The following LMBR1 variants were observed in gnomAD, a reference collection of about 807,000 sequenced individuals.
LMBR1 encodes the protein limb development membrane protein 1.
Under a neutral mutation model 73.9 loss-of-function variants are expected in LMBR1, and 52 were observed. The ratio of observed to expected loss-of-function variants is 0.70; its 90% CI spans 0.56 to 0.89. LMBR1 has a LOEUF of 0.89. LMBR1 is among the 40% of genes least tolerant of loss of function. The probability of loss-of-function intolerance (pLI) is 0.00; values close to 1 mark genes in which losing one functional copy is unlikely to be tolerated. For missense variants in LMBR1, 539 were observed against 579.8 expected (o/e 0.93, Z 0.72); for synonymous variants, 215 against 209.4 (o/e 1.03, Z -0.23).
chr7:156,764,408 C>A (rs1563307492), intron 5 of LMBR1, among the ~76,000 whole-genome samples: 1 of 152,110 alleles, frequency 6.6e-6, no homozygotes, highest in Non-Finnish European at 1.5e-5. Flanking sequence ...AATCATTATG[C>A]ACAACTTTGT....
At chr7:156,824,359 C>T (rs1209132169) in intron 4 of LMBR1, among the ~76,000 whole-genome samples, 1 of 152,062 alleles carries the variant, frequency 6.6e-6, no homozygotes, top group East Asian at 1.9e-4. Flanking sequence ...TATACTTTCT[C>T]AAACAACAAG....
At chr7:156,700,790 T>C (rs1195670818) in intron 15 of LMBR1, among the ~76,000 whole-genome samples, 8 of 152,202 alleles carry the variant, frequency 5.3e-5, no homozygotes, top group Admixed American at 3.9e-4. Flanking sequence ...TTTTCAGGTA[T>C]CTTTTCAGCA....
intron 15 of LMBR1, among the ~76,000 whole-genome samples, chr7:156,712,150 CAAT>C (rs1231039004): frequency 6.6e-6 from 1 of 151,968 alleles, no homozygotes; most frequent in Admixed American, 6.6e-5. Context: ...AACTCAACAA[CAAT>C]AACAAAAATG....
chr7:156,678,717 G>C lies in LMBR1; in HGVS notation c.*5361C>G, dbSNP rs926450780. ...CTGGTCAGCTACAGCAGTCCCTACG[G>C]GATGTGGCCATTCCTCCCTTATTTT... On this transcript the variant is annotated 3_prime_UTR_variant, in exon 17 of 17. Coordinates refer to ENST00000353442, the MANE Select transcript of LMBR1 (RefSeq NM_022458.4). The C allele has an allele frequency of 6.6e-6, 1 of 152,132 alleles. No homozygotes were observed. Among genetic ancestry groups the C allele is most frequent in the African/African-American group, 2.4e-5 (1 of 41,414 alleles). 9.4% of individuals were successfully genotyped at this position (152,132 alleles called of 1,614,324 possible). A position where few individuals can be genotyped will look rare whatever the true frequency, so the allele number is the denominator to read the frequency against.
At chr7:156,736,690 T>A (rs1817936716) in intron 9 of LMBR1, 2 of 429,216 alleles carry the variant, frequency 4.7e-6, no homozygotes, top group African/African-American at 4.0e-5. Context: ...ATGGCCATAA[T>A]GCTCATTTTA....
At chr7:156,741,512 T>C (rs1019532226) in intron 9 of LMBR1, among the ~76,000 whole-genome samples, 1 of 152,028 alleles carries the variant, frequency 6.6e-6, no homozygotes, top group Non-Finnish European at 1.5e-5. Flanking sequence ...TATACTTATA[T>C]CAGACAAAAT....
chr7:156,734,125 T>C, intron 10 of LMBR1, 52 bp downstream of exon 10: 1 of 1,182,720 alleles, frequency 8.5e-7, no homozygotes, highest in Admixed American at 2.3e-5. Context: ...AGTAAAGTCT[T>C]TAATAAGAAA....
chr7:156,726,382 T>C (rs559483836), intron 12 of LMBR1, among the ~76,000 whole-genome samples: 17 of 152,024 alleles, frequency 1.1e-4, no homozygotes, highest in Admixed American at 2.6e-4. Flanking sequence ...ACTGTTAACA[T>C]AGATTTTTAA....
intron 5 of LMBR1, among the ~76,000 whole-genome samples, chr7:156,772,887 G>A (rs1461563451): frequency 4.0e-5 from 6 of 151,836 alleles, no homozygotes; most frequent in Admixed American, 1.3e-4. Context: ...GAGGGGAGAG[G>A]AGAGGCATTC....
rs191092573 is a variant in LMBR1 at position 156,842,432 on chromosome 7, G to A, written c.67-5547C>T. On this transcript the variant is annotated intron_variant, in intron 1 of 16. Coordinates refer to ENST00000353442, the MANE Select transcript of LMBR1 (RefSeq NM_022458.4). The stretch of plus-strand genomic sequence containing the variant: ...TTTTTTACTTTTTAAGGAATAACAC[G>A]TTTTAAGACTTGAGATTATCTGTTG... Among the ~76,000 whole-genome samples, 27 of 152,272 alleles carry A rather than the reference G, an allele frequency of 1.8e-4. No individual in the cohort carries two copies. The East Asian group carries it at 3.5e-3, about 20-fold the overall frequency.
At chr7:156,706,356 C>T (rs1452642168) in intron 15 of LMBR1, among the ~76,000 whole-genome samples, 5 of 151,834 alleles carry the variant, frequency 3.3e-5, no homozygotes, top group South Asian at 4.2e-4. Flanking sequence ...CATAGCTTAT[C>T]GAGAAAAAAA....
intron 1 of LMBR1, among the ~76,000 whole-genome samples, chr7:156,874,545 G>A (rs750053050): frequency 5.9e-5 from 9 of 152,214 alleles, no homozygotes; most frequent in African/African-American, 9.6e-5. Context: ...CCCGAGGACC[G>A]CCAGCACACT....
intron 4 of LMBR1, among the ~76,000 whole-genome samples, chr7:156,803,032 T>C (rs1408221957): frequency 6.6e-6 from 1 of 152,120 alleles, no homozygotes; most frequent in African/African-American, 2.4e-5. Context: ...ATGTTAGACC[T>C]AAAACCATAA....
At chr7:156,674,883 C>T (rs951334146), downstream of LMBR1, among the ~76,000 whole-genome samples, 3 of 152,128 alleles carry the variant, frequency 2.0e-5, no homozygotes, top group African/African-American at 7.2e-5. Flanking sequence ...CTGCGAAATT[C>T]GAACTTTTCT....
intron 9 of LMBR1, chr7:156,748,005 G>A (rs1483929952): frequency 6.6e-6 from 1 of 152,178 alleles, no homozygotes; most frequent in African/African-American, 2.4e-5. Context: ...AATCTCTAAT[G>A]TATCTATTTC....
chr7:156,878,443 C>T (rs1800550993), intron 1 of LMBR1, among the ~76,000 whole-genome samples: 1 of 152,130 alleles, frequency 6.6e-6, no homozygotes, highest in African/African-American at 2.4e-5. Context: ...AACTCAACCC[C>T]TTTTACAACA....
At chr7:156,856,189 T>C (rs1274289069) in intron 1 of LMBR1, among the ~76,000 whole-genome samples, 1 of 151,936 alleles carries the variant, frequency 6.6e-6, no homozygotes, top group Non-Finnish European at 1.5e-5. Context: ...AGCAAGACTC[T>C]GTCTCAATAA....
intron 9 of LMBR1, among the ~76,000 whole-genome samples, chr7:156,749,922 C>G (rs183890965): frequency 2.0e-5 from 3 of 152,256 alleles, no homozygotes; most frequent in African/African-American, 7.2e-5. Context: ...CTCCCAACCT[C>G]AGGTGATCTG....
chr7:156,687,693 G>GT (rs1240585818), intron 16 of LMBR1, among the ~76,000 whole-genome samples: 1 of 152,020 alleles, frequency 6.6e-6, no homozygotes, highest in Admixed American at 6.6e-5. Context: ...TTTTCACACC[G>GT]TATCATCCTC....
Sources: gnomAD v4.1 joint callset for allele counts (sites outside exome capture counted in the v4.1 genomes callset) on GRCh38, gnomAD v4.1.1 for gene constraint, MANE v1.5 for transcripts, NCBI Gene and HGNC (gene_info 2026-07-23, HGNC 2026-07-21) for gene names.